The following LRP1 variants were observed in gnomAD, a reference collection of about 807,000 sequenced individuals.
LRP1 encodes the protein prolow-density lipoprotein receptor-related protein 1.
Under a neutral mutation model 541.5 loss-of-function variants are expected in LRP1, and 51 were observed. The observed-to-expected ratio is 0.09, with a 90% CI of 0.08 to 0.12. The LOEUF is 0.12. Ranked by LOEUF, LRP1 falls within the 10% of genes least tolerant of loss-of-function variation. The pLI is 1.00. For missense variants in LRP1, 3,878 were observed against 6,376.2 expected (o/e 0.61, Z 13.34); for synonymous variants, 2,219 against 2,470.8 (o/e 0.90, Z 3.02).
chr12:57,203,231 A>G lies in LRP1; in HGVS notation c.10762A>G (p.Ile3588Val), dbSNP rs1313979564. 2.5e-6 allele frequency: 4 copies of G among 1,611,212 alleles called. No homozygotes were observed. Among genetic ancestry groups the G allele is most frequent in the Non-Finnish European group, 3.4e-6 (4 of 1,178,812 alleles). Residue 3588 changes from isoleucine (I) to valine (V), a missense_variant, in exon 69 of 89, where the codon ATC becomes GTC. Coordinates refer to ENST00000243077, the MANE Select transcript of LRP1 (RefSeq NM_002332.3). ...SEFSCANGRC[I>V]AGRWKCDGDH... ...GTTCTCCTGTGCCAACGGCCGCTGCATCGCGGGGCGCTGGAAATGCGATGG... is the reference window on the plus strand; with the variant it reads ...GTTCTCCTGTGCCAACGGCCGCTGCGTCGCGGGGCGCTGGAAATGCGATGG...
At chr12:57,163,062 A>G in intron 15 of LRP1, 79 bp downstream of exon 15, 1 of 1,501,344 alleles carries the variant, frequency 6.7e-7, no homozygotes. Flanking sequence ...GGGAGGATCC[A>G]GGGTCCCAGT....
rs952417178 is a variant in LRP1 at position 57,173,516 on chromosome 12, G to C, written c.3346+166G>C. Among the ~76,000 whole-genome samples the C allele has an allele frequency of 6.6e-6, 1 of 152,192 alleles. No individual in the cohort carries two copies. The highest frequency in any genetic ancestry group is 2.4e-5 in the African/African-American group (1 of 41,442). On this transcript the variant is annotated intron_variant, in intron 21 of 88. Transcript: ENST00000243077. This position sits in a 1 kb window ranked among gnomAD's most constrained non-coding sequence, Gnocchi z 4.7. Reference sequence around the variant, plus strand: ...CAGAGGAAGCTTGTGTGTCATGGGTGGGGGAAGGCATGAAGGGCCAGAGCC... The same window carrying C: ...CAGAGGAAGCTTGTGTGTCATGGGTCGGGGAAGGCATGAAGGGCCAGAGCC...
intron 2 of LRP1, among the ~76,000 whole-genome samples, chr12:57,138,911 C>G (rs1223256990): frequency 2.0e-5 from 3 of 152,208 alleles, no homozygotes; most frequent in African/African-American, 7.2e-5. Flanking sequence ...CCTCCCTGAC[C>G]CTTGATGATT....
chr12:57,199,162 C>A (rs1251397786), intron 60 of LRP1, 50 bp from the exon 61 acceptor site: 6 of 1,580,186 alleles, frequency 3.8e-6, no homozygotes, highest in Admixed American at 1.7e-5. Context: ...GGCCGGCACC[C>A]TGTCCGAGCT....
At position 57,162,275 on chromosome 12, in the gene LRP1, A is replaced by T. The variant is rs985961217; in HGVS notation, c.2203-42A>T. On this transcript the variant is annotated intron_variant, in intron 13 of 88. Coordinates refer to ENST00000243077, the MANE Select transcript of LRP1 (RefSeq NM_002332.3). The surrounding 1 kb of genome is among the most constrained non-coding windows in gnomAD (Gnocchi z 5.2). ...AACAGTGATCTCACAGGCCTCCCTC[A>T]ATTTTCTTCCAACTCCTTAGTAACA... is the stretch of plus-strand genomic sequence containing the variant. 1.3e-5 allele frequency: 20 copies of T among 1,539,864 alleles called. No individual in the cohort carries two copies. Among genetic ancestry groups the T allele is most frequent in the Non-Finnish European group, 1.4e-5 (16 of 1,113,156 alleles).
In LRP1 at chr12:57,185,301, C is replaced by T; in HGVS notation, c.6463+96C>T. 6.6e-7 allele frequency: 1 copy of T among 1,519,696 alleles called. No homozygotes were observed. Among genetic ancestry groups the T allele is most frequent in the Admixed American group, 1.9e-5 (1 of 51,756 alleles). The allele number at this position is 1,519,696 out of a possible 1,614,324, so 94.1% of individuals were successfully genotyped here. A position where few individuals can be genotyped will look rare whatever the true frequency, so the allele number is the denominator to read the frequency against. On this transcript the variant is annotated intron_variant, in intron 40 of 88. Coordinates refer to ENST00000243077, the MANE Select transcript of LRP1 (RefSeq NM_002332.3). This position sits in a 1 kb window ranked among gnomAD's most constrained non-coding sequence, Gnocchi z 4.9. ...AACCCAGTGTGAGAGGGCTGGGAGA[C>T]AAGTTAGACCCATGGGGCAACTTCC...
chr12:57,140,627 T>C (rs745400935), intron 2 of LRP1, among the ~76,000 whole-genome samples: 6 of 152,246 alleles, frequency 3.9e-5, no homozygotes, highest in Non-Finnish European at 7.3e-5. Flanking sequence ...TTGGCACCAC[T>C]CTTGGCCCTG....
Position 57,189,756 on chromosome 12 carries a change from A to G in LRP1, c.7032-1049A>G, listed in dbSNP as rs544170799. 2.9e-4 allele frequency among the ~76,000 whole-genome samples: 44 copies of G among 152,146 alleles called. No homozygotes were observed. Among genetic ancestry groups the G allele is most frequent in the African/African-American group, 1.0e-3 (43 of 41,482 alleles). On this transcript the variant is annotated intron_variant, in intron 42 of 88. Coordinates refer to ENST00000243077, the MANE Select transcript of LRP1 (RefSeq NM_002332.3). This position sits in a 1 kb window ranked among gnomAD's most constrained non-coding sequence, Gnocchi z 4.4. ...GCAGGTCCTGTTAGGGAACTGGAGA[A>G]CGGAGCTGGCTTTTGTGTGGCTTGG...
chr12:57,204,359 G>A lies in LRP1; in HGVS notation c.10952-51G>A. On this transcript the variant is annotated intron_variant, in intron 70 of 88. Coordinates refer to ENST00000243077, the MANE Select transcript of LRP1 (RefSeq NM_002332.3). The surrounding 1 kb of genome is among the most constrained non-coding windows in gnomAD (Gnocchi z 5.3). Reference sequence around the variant, plus strand: ...GGAACCCCCACCTGTGGAGACAGGGGTCTGGGTGGGCTCATGGCTCATTCT... The same window carrying A: ...GGAACCCCCACCTGTGGAGACAGGGATCTGGGTGGGCTCATGGCTCATTCT... 6.7e-7 allele frequency: 1 copy of A among 1,487,500 alleles called. No individual in the cohort carries two copies. The highest frequency in any genetic ancestry group is 9.0e-7 in the Non-Finnish European group (1 of 1,117,074). 92.1% of individuals were successfully genotyped at this position (1,487,500 alleles called of 1,614,324 possible).
chr12:57,165,643 G>A lies in LRP1; in HGVS notation c.2531-162G>A. 1.5e-6 allele frequency: 1 copy of A among 662,708 alleles called. No homozygotes were observed. The highest frequency in any genetic ancestry group is 3.0e-4 in the Middle Eastern group (1 of 3,298). 41.1% of individuals were successfully genotyped at this position (662,708 alleles called of 1,614,324 possible). ...TATTGTTGCTTGGGAAAGAATTGCA[G>A]TTTCCATCCAGATAATTTGTTTCAT... is the stretch of plus-strand genomic sequence containing the variant. On this transcript the variant is annotated intron_variant, in intron 15 of 88. Transcript: ENST00000243077. This position sits in a 1 kb window ranked among gnomAD's most constrained non-coding sequence, Gnocchi z 4.5.
intron 24 of LRP1, 52 bp from the exon 25 acceptor site, chr12:57,176,989 C>G: frequency 2.7e-6 from 4 of 1,509,156 alleles, no homozygotes. Flanking sequence ...TTCACACATT[C>G]ATGCACAGCT....
At position 57,212,226 on chromosome 12, in the gene LRP1, C is replaced by A. The variant is rs1269200232; in HGVS notation, c.13459C>A (p.Leu4487Ile). The A allele has an allele frequency of 6.2e-7, 1 of 1,613,808 alleles. No homozygotes were observed. Among genetic ancestry groups the A allele is most frequent in the Non-Finnish European group, 8.5e-7 (1 of 1,179,976 alleles). The change falls in exon 88 of 89, where the codon CTA becomes ATA. Residue 4487 changes from leucine (L) to isoleucine (I), a missense_variant. Transcript: ENST00000243077. This position sits in a 1 kb window ranked among gnomAD's most constrained non-coding sequence, Gnocchi z 5.0. The stretch of plus-strand genomic sequence containing the variant: ...CGGAGAGCCTGATGATGTGGGAGGC[C>A]TACTGGACGCTGACTTTGCCCTGGA... ...EGGEPDDVGG[L>I]LDADFALDPD...
chr12:57,159,716 C>A, intron 11 of LRP1, 109 bp from the exon 12 acceptor site: 1 of 1,088,700 alleles, frequency 9.2e-7, no homozygotes, highest in East Asian at 2.4e-5. Context: ...TCCCTGCACC[C>A]CTCTGTAGCC....
rs1049525792 is a variant in LRP1, at chr12:57,173,613, C to G, written c.3347-167C>G. ...AGCACCTCCTGCTGCAGATTCCTGC[C>G]TTGTTTGTTGCCTATGTGAATTTGA... On this transcript the variant is annotated intron_variant, in intron 21 of 88. Transcript: ENST00000243077. This position sits in a 1 kb window ranked among gnomAD's most constrained non-coding sequence, Gnocchi z 4.7. Among the ~76,000 whole-genome samples the G allele has an allele frequency of 6.6e-6, 1 of 152,200 alleles. No homozygotes were observed. Among genetic ancestry groups the G allele is most frequent in the Non-Finnish European group, 1.5e-5 (1 of 68,026 alleles).
At chr12:57,129,981 A>G (rs1040496203) in intron 1 of LRP1, among the ~76,000 whole-genome samples, 1 of 152,190 alleles carries the variant, frequency 6.6e-6, no homozygotes, top group African/African-American at 2.4e-5. Flanking sequence ...CACTTTGTAT[A>G]TTGCAGAGTT....
Position 57,179,855 on chromosome 12 carries a change from T to TAAGAAGCAGATCAATGTGGCCC in LRP1, c.5041_5062dup (p.Arg1688GlnfsTer42). 1 of 1,614,090 alleles carries TAAGAAGCAGATCAATGTGGCCC rather than the reference T, an allele frequency of 6.2e-7. No individual in the cohort carries two copies. The highest frequency in any genetic ancestry group is 8.5e-7 in the Non-Finnish European group (1 of 1,180,016). On this transcript the variant is annotated frameshift_variant, in exon 30 of 89. Coordinates refer to ENST00000243077, the MANE Select transcript of LRP1 (RefSeq NM_002332.3). LOFTEE classifies it high-confidence loss of function. This position sits in a 1 kb window ranked among gnomAD's most constrained non-coding sequence, Gnocchi z 6.8. The stretch of plus-strand genomic sequence containing the variant: ...TGTTCTGGACAAGCTATGACACCAA[T>TAAGAAGCAGATCAATGTGGCCC]AAGAAGCAGATCAATGTGGCCCGGC...
Position 57,202,502 on chromosome 12 carries a change from A to G in LRP1, c.10676A>G (p.Asn3559Ser). The G allele has an allele frequency of 6.2e-7, 1 of 1,613,316 alleles. No homozygotes were observed. The highest frequency in any genetic ancestry group is 8.5e-7 in the Non-Finnish European group (1 of 1,179,930). ...GGCCGCTGGCAGTGCGACTACGACA[A>G]CGATTGCGGTGACAACTCCGATGAA... ...VPGRWQCDYD[N>S]DCGDNSDEES... Residue 3559 changes from asparagine (N) to serine (S), a missense_variant, in exon 68 of 89, where the codon AAC becomes AGC. Asn to Ser is a conservative substitution (Grantham distance 46, BLOSUM62 1). This residue lies in a region of LRP1 where 278 missense variants were observed against 536.3 expected (regional missense o/e 0.52). Coordinates refer to ENST00000243077, the MANE Select transcript of LRP1 (RefSeq NM_002332.3).
Position 57,203,524 on chromosome 12 carries a change from G to A in LRP1, c.10951+3G>A, listed in dbSNP as rs2036703491. ...CGAGGAGGCCTGCGGCACTGGCGGT[G>A]CGCCCCTTGGCTTGGTCTCCCTGGG... On this transcript the variant is annotated splice_donor_region_variant and intron_variant, in intron 70 of 88. Coordinates refer to ENST00000243077, the MANE Select transcript of LRP1 (RefSeq NM_002332.3). 3.9e-6 allele frequency: 6 copies of A among 1,528,394 alleles called. No homozygotes were observed. Among genetic ancestry groups the A allele is most frequent in the Non-Finnish European group, 5.3e-6 (6 of 1,132,548 alleles). The allele number at this position is 1,528,394 out of a possible 1,614,324, so 94.7% of individuals were successfully genotyped here. A position where few individuals can be genotyped will look rare whatever the true frequency, so the allele number is the denominator to read the frequency against.
In LRP1 at chr12:57,196,268, C is replaced by G; in HGVS notation, c.8883C>G (p.Ile2961Met). Reference protein sequence around the residue: ...GCSQDCEDLKIGFKCRCRPGF... With the variant: ...GCSQDCEDLKMGFKCRCRPGF... ...GCCAGGACTGTGAGGACCTCAAGAT[C>G]GGCTTCAAGGTATGCCCAGCCCTGG... The change falls in exon 55 of 89, where the codon ATC becomes ATG. Residue 2961 changes from isoleucine (I) to methionine (M), a missense_variant. By Grantham distance (10) the Ile-to-Met change is conservative. Coordinates refer to ENST00000243077, the MANE Select transcript of LRP1 (RefSeq NM_002332.3). The G allele has an allele frequency of 1.3e-6, 2 of 1,589,082 alleles. No individual in the cohort carries two copies. The highest frequency in any genetic ancestry group is 1.7e-6 in the Non-Finnish European group (2 of 1,163,836).
Sources: gnomAD v4.1 joint callset for allele counts (sites outside exome capture counted in the v4.1 genomes callset) on GRCh38, gnomAD v4.1.1 for gene constraint, gnomAD v4.1.1 regional missense constraint, Gnocchi (gnomAD v3.1) non-coding constraint, MANE v1.5 for transcripts, NCBI Gene and HGNC (gene_info 2026-07-23, HGNC 2026-07-21) for gene names.